HPR: variants seen among roughly 807,000 people sequenced by gnomAD.
The protein encoded by HPR is Haptoglobin-related locus.
HPR carries 17 observed loss-of-function variants against 18.5 expected under a neutral mutation model. That is an observed-to-expected ratio of 0.92 (90% CI 0.63 to 1.38). The LOEUF is 1.38. Ranked by LOEUF, HPR falls within the 40% of genes most tolerant of loss-of-function variation. HPR has a pLI of 0.00. For synonymous variants in HPR, 176 were observed against 165.0 expected (o/e 1.07, Z -0.51); for missense variants, 457 against 432.4 (o/e 1.06, Z -0.51).
At chr16:72,070,701 T>C (rs1190999895) in intron 1 of HPR, among the ~76,000 whole-genome samples, 2 of 152,212 alleles carry the variant, frequency 1.3e-5, no homozygotes, top group Non-Finnish European at 2.9e-5. Flanking sequence ...ATCCTTCAGT[T>C]TGATGCTTGT....
chr16:72,072,015 T>C (rs74968495), intron 1 of HPR, among the ~76,000 whole-genome samples: 1 of 128,202 alleles, frequency 7.8e-6, no homozygotes, highest in African/African-American at 3.4e-5. Context: ...CCAATGATGA[T>C]TTTTTTTTTT....
Position 72,076,725 on chromosome 16 carries a change from A to G in HPR, c.691A>G (p.Asn231Asp). The G allele has an allele frequency of 6.2e-7, 1 of 1,614,216 alleles. No homozygotes were observed. Among genetic ancestry groups the G allele is most frequent in the Non-Finnish European group, 8.5e-7 (1 of 1,180,038 alleles). ...GYVSGWGQSD[N>D]FKLTDHLKYV... ...CGTGTCTGGCTGGGGACAAAGTGAC[A>G]ACTTTAAACTTACTGACCATCTGAA... The change falls in exon 5 of 5, where the codon AAC (asparagine) becomes GAC (aspartate). Residue 231 changes from asparagine (N) to aspartate (D), a missense_variant. Transcript: ENST00000540303.
At chr16:72,073,793 CGTGTGT>C (rs747070070) in intron 1 of HPR, 93 bp from the exon 2 acceptor site, 6 of 1,495,264 alleles carry the variant, frequency 4.0e-6, no homozygotes, top group Non-Finnish European at 5.5e-6. Context: ...TGTGTGTGTG[CGTGTGT>C]GTGTGTGTGT....
Position 72,076,331 on chromosome 16 carries a change from C to T in HPR, c.297C>T (p.Asn99=). The T allele has an allele frequency of 6.2e-7, 1 of 1,613,854 alleles. No homozygotes were observed. Among genetic ancestry groups the T allele is most frequent in the Non-Finnish European group, 8.5e-7 (1 of 1,179,882 alleles). ...GTGGGAAGCCCAAGAATCCGGCAAACCCAGTGCAGCGGATCCTGGGTGGAC... is the reference window on the plus strand; with the variant it reads ...GTGGGAAGCCCAAGAATCCGGCAAATCCAGTGCAGCGGATCCTGGGTGGAC... ...AVCGKPKNPA[N]PVQRILGGHL... The change falls in exon 5 of 5, where the codon AAC becomes AAT. Residue 99 remains asparagine (N), a synonymous_variant. Coordinates refer to ENST00000540303, the MANE Select transcript of HPR (RefSeq NM_020995.4).
chr16:72,063,770 A>G (rs2041567386), intron 1 of HPR, among the ~76,000 whole-genome samples: 1 of 151,962 alleles, frequency 6.6e-6, no homozygotes, highest in African/African-American at 2.4e-5. Flanking sequence ...TGTGAGACAG[A>G]GTCTCACTCT....
chr16:72,067,148 C>T (rs1158743630), intron 1 of HPR, among the ~76,000 whole-genome samples: 1 of 152,162 alleles, frequency 6.6e-6, no homozygotes, highest in African/African-American at 2.4e-5. Context: ...CTTCCACTCA[C>T]GACCTTTGAA....
At chr16:72,071,156 AAC>A (rs1282412273) in intron 1 of HPR, among the ~76,000 whole-genome samples, 1 of 152,184 alleles carries the variant, frequency 6.6e-6, no homozygotes, top group Non-Finnish European at 1.5e-5. Context: ...AGTGGAATCT[AAC>A]ACTCTCTCCA....
chr16:72,074,445 G>A, intron 3 of HPR, 60 bp downstream of exon 3: 6 of 1,380,676 alleles, frequency 4.3e-6, no homozygotes, highest in Non-Finnish European at 6.2e-6. Context: ...ACATTTCCAT[G>A]ATGGGTGGTG....
chr16:72,069,529 A>G (rs1156719645), intron 1 of HPR, among the ~76,000 whole-genome samples: 1 of 152,186 alleles, frequency 6.6e-6, no homozygotes, highest in African/African-American at 2.4e-5. Flanking sequence ...ACCAGAATGA[A>G]AACGGCTGTT....
At chr16:72,072,518 T>C (rs1309809959) in intron 1 of HPR, among the ~76,000 whole-genome samples, 1 of 152,192 alleles carries the variant, frequency 6.6e-6, no homozygotes, top group Non-Finnish European at 1.5e-5. Flanking sequence ...CTACAAGGTC[T>C]TACTGCCTTA....
Position 72,077,043 on chromosome 16 carries a change from A to T in HPR, c.1009A>T (p.Ile337Phe). The change falls in exon 5 of 5, where the codon ATC becomes TTC. Residue 337 changes from isoleucine to phenylalanine, a missense_variant. Coordinates refer to ENST00000540303, the MANE Select transcript of HPR (RefSeq NM_020995.4). ...TGGTGTGTATGTGAAGGTGACTTCC[A>T]TCCAGCACTGGGTTCAGAAGACCAT... ...EYGVYVKVTS[I>F]QHWVQKTIAE... 6.2e-7 allele frequency: 1 copy of T among 1,613,948 alleles called. No homozygotes were observed. Among genetic ancestry groups the T allele is most frequent in the Non-Finnish European group, 8.5e-7 (1 of 1,179,976 alleles).
rs2144082067 is a variant in HPR at position 72,077,220 on chromosome 16, A to G, written c.*139A>G. The G allele has an allele frequency of 1.3e-6, 1 of 791,078 alleles. No individual in the cohort carries two copies. Among genetic ancestry groups the G allele is most frequent in the Middle Eastern group, 3.8e-4 (1 of 2,622 alleles). The allele number at this position is 791,078 out of a possible 1,614,324, so 49.0% of individuals were successfully genotyped here. A position where few individuals can be genotyped will look rare whatever the true frequency, so the allele number is the denominator to read the frequency against. On this transcript the variant is annotated 3_prime_UTR_variant, in exon 5 of 5. Transcript: ENST00000540303. ...GTGCCAGCCCTGCATTGCTGAGTCA[A>G]TCAATAAAGAGCTTTCTTTTGACCC...
Position 72,075,149 on chromosome 16 carries a change from A to C in HPR, c.198A>C (p.Val66=). The C allele has an allele frequency of 1.6e-6, 2 of 1,242,106 alleles. No individual in the cohort carries two copies. Among genetic ancestry groups the C allele is most frequent in the East Asian group, 2.5e-5 (1 of 39,546 alleles). 76.9% of individuals were successfully genotyped at this position (1,242,106 alleles called of 1,614,324 possible). A position where few individuals can be genotyped will look rare whatever the true frequency, so the allele number is the denominator to read the frequency against. Residue 66 remains valine, a synonymous_variant, in exon 4 of 5, where the codon GTA becomes GTC. Transcript: ENST00000540303. The part of the protein sequence containing the change: ...YYRLRTEGDG[V]YTLNDKKQWI... ...ATTTCTTGCCTTTTGTTTCAGGAGT[A>C]TACACCTTAAATGATAAGAAGCAGT... is the stretch of plus-strand genomic sequence containing the variant.
chr16:72,070,761 T>C (rs552165125), intron 1 of HPR, among the ~76,000 whole-genome samples: 1 of 152,310 alleles, frequency 6.6e-6, no homozygotes, highest in Admixed American at 6.5e-5. Context: ...CTGTCTCATG[T>C]AGATAAGTAC....
chr16:72,073,157 T>C (rs1239375776), intron 1 of HPR, among the ~76,000 whole-genome samples: 1 of 152,136 alleles, frequency 6.6e-6, no homozygotes, highest in Admixed American at 6.5e-5. Context: ...CAGCTTAGAT[T>C]GTACGGTCCA....
intron 1 of HPR, among the ~76,000 whole-genome samples, chr16:72,066,365 G>A (rs1057002204): frequency 6.6e-6 from 1 of 152,142 alleles, no homozygotes; most frequent in African/African-American, 2.4e-5. Context: ...AAAGAAGCAT[G>A]ATCCGTAGGG....
In HPR at chr16:72,076,827, G is replaced by C. The variant is rs373642861; in HGVS notation, c.793G>C (p.Ala265Pro). ...AGGCAGCACATGCCCCAAATGGAAG[G>C]CACCGAAGAGCCCTGTAGGGGTGCA... is the stretch of plus-strand genomic sequence containing the variant. The part of the protein sequence containing the change: ...YEGSTCPKWK[A>P]PKSPVGVQPI... The change falls in exon 5 of 5, where the codon GCA (alanine) becomes CCA (proline). Residue 265 changes from alanine (A) to proline (P), a missense_variant. Ala to Pro is a conservative substitution (Grantham distance 27, BLOSUM62 -1). Coordinates refer to ENST00000540303, the MANE Select transcript of HPR (RefSeq NM_020995.4). 6.2e-7 allele frequency: 1 copy of C among 1,614,072 alleles called. No homozygotes were observed. The highest frequency in any genetic ancestry group is 8.5e-7 in the Non-Finnish European group (1 of 1,180,034).
intron 1 of HPR, among the ~76,000 whole-genome samples, chr16:72,066,713 G>T (rs141159301): frequency 3.0e-4 from 46 of 152,280 alleles, no homozygotes; most frequent in Non-Finnish European, 5.9e-4. Flanking sequence ...GTCACTAAAG[G>T]CTGGCCAGAT....
intron 1 of HPR, among the ~76,000 whole-genome samples, chr16:72,068,234 C>G (rs528287677): frequency 6.6e-6 from 1 of 152,232 alleles, no homozygotes; most frequent in African/African-American, 2.4e-5. Context: ...GGTTACGGGT[C>G]TCAAAGGGAA....
Sources: gnomAD v4.1 joint callset for allele counts (sites outside exome capture counted in the v4.1 genomes callset) on GRCh38, gnomAD v4.1.1 for gene constraint, MANE v1.5 for transcripts, NCBI Gene and HGNC (gene_info 2026-07-23, HGNC 2026-07-21) for gene names.